The following MTMR7 variants were observed in gnomAD, a reference collection of about 807,000 sequenced individuals.
MTMR7 encodes phosphatidylinositol-3-phosphate phosphatase MTMR7.
Under a neutral mutation model 81.2 loss-of-function variants are expected in MTMR7, and 76 were observed. The observed-to-expected ratio is 0.94, with a 90% CI of 0.78 to 1.13. The LOEUF is 1.13. Among genes scored for constraint, MTMR7 ranks in the 50% most tolerant of loss-of-function variants. The pLI is 0.00. For missense variants in MTMR7, 1,044 were observed against 820.0 expected (o/e 1.27, Z -3.34); for synonymous variants, 372 against 289.8 (o/e 1.28, Z -2.88).
At chr8:17,339,354 C>G (rs1245288555) in intron 6 of MTMR7, among the ~76,000 whole-genome samples, 1 of 152,180 alleles carries the variant, frequency 6.6e-6, no homozygotes, top group Non-Finnish European at 1.5e-5. Flanking sequence ...GTGCAACCAT[C>G]ACCATGATCT....
intron 7 of MTMR7, among the ~76,000 whole-genome samples, chr8:17,329,703 G>A (rs191403215): frequency 1.3e-5 from 2 of 152,294 alleles, no homozygotes. Flanking sequence ...AAGTCAGACT[G>A]CCTTTCCAAT....
chr8:17,381,516 C>T (rs571076317), intron 1 of MTMR7, among the ~76,000 whole-genome samples: 17 of 152,272 alleles, frequency 1.1e-4, no homozygotes, highest in African/African-American at 4.1e-4. Context: ...TCATCTCAGA[C>T]TATTTGGGTA....
chr8:17,362,469 G>A (rs1399846395), intron 3 of MTMR7, among the ~76,000 whole-genome samples: 1 of 152,132 alleles, frequency 6.6e-6, no homozygotes, highest in Non-Finnish European at 1.5e-5. Flanking sequence ...CCAGTTAGTA[G>A]GCAACATTGA....
At chr8:17,395,447 G>A (rs1821219400) in intron 1 of MTMR7, among the ~76,000 whole-genome samples, 1 of 152,166 alleles carries the variant, frequency 6.6e-6, no homozygotes, top group African/African-American at 2.4e-5. Context: ...GAGTGGAAAT[G>A]CTGAGTCATA....
intron 1 of MTMR7, among the ~76,000 whole-genome samples, chr8:17,380,933 G>T (rs1289582347): frequency 6.6e-6 from 1 of 151,968 alleles, no homozygotes; most frequent in Non-Finnish European, 1.5e-5. Flanking sequence ...AAAACAAAAA[G>T]CTTGGCAATG....
chr8:17,357,750 G>T (rs568953690), intron 4 of MTMR7, among the ~76,000 whole-genome samples: 7 of 152,276 alleles, frequency 4.6e-5, no homozygotes, highest in Admixed American at 2.6e-4. Context: ...CATTGATGCT[G>T]GAGCAAGAGA....
At chr8:17,364,342 T>C (rs1820156264) in intron 3 of MTMR7, among the ~76,000 whole-genome samples, 2 of 152,180 alleles carry the variant, frequency 1.3e-5, no homozygotes, top group African/African-American at 4.8e-5. Context: ...CAAAAAGTGA[T>C]GTTATGATTT....
At chr8:17,363,787 A>G (rs957415919) in intron 3 of MTMR7, among the ~76,000 whole-genome samples, 1 of 152,046 alleles carries the variant, frequency 6.6e-6, no homozygotes, top group Non-Finnish European at 1.5e-5. Flanking sequence ...GAAAAGCGCC[A>G]CTAGCACAGA....
At chr8:17,373,728 G>C (rs1427588583) in intron 1 of MTMR7, among the ~76,000 whole-genome samples, 1 of 152,060 alleles carries the variant, frequency 6.6e-6, no homozygotes, top group African/African-American at 2.4e-5. Flanking sequence ...CATACATACG[G>C]GAGAAAAAAG....
intron 6 of MTMR7, among the ~76,000 whole-genome samples, chr8:17,332,703 G>A (rs61003777): frequency 1.3e-5 from 2 of 152,244 alleles, no homozygotes; most frequent in African/African-American, 4.8e-5. Flanking sequence ...CATATAGGTC[G>A]AACCATTAAG....
intron 5 of MTMR7, among the ~76,000 whole-genome samples, chr8:17,348,543 CTG>C (rs1819631488): frequency 3.8e-5 from 3 of 79,170 alleles, no homozygotes; most frequent in Non-Finnish European, 7.8e-5. Flanking sequence ...GAGTGAGACT[CTG>C]TCTCAAAAAA....
chr8:17,399,576 T>G (rs1343393051), intron 1 of MTMR7, among the ~76,000 whole-genome samples: 1 of 152,124 alleles, frequency 6.6e-6, no homozygotes, highest in Non-Finnish European at 1.5e-5. Context: ...ACAAATTCAA[T>G]ACAATCCCTA....
At chr8:17,390,382 A>G (rs73211110) in intron 1 of MTMR7, among the ~76,000 whole-genome samples, 19,620 of 152,066 alleles carry the variant, frequency 0.13, 1,973 homozygotes, top group East Asian at 0.39. Context: ...GAGCAGCACC[A>G]AGGCGATGGT....
chr8:17,341,919 CT>C (rs535163171), intron 5 of MTMR7, among the ~76,000 whole-genome samples: 230 of 146,946 alleles, frequency 1.6e-3, no homozygotes, highest in Non-Finnish European at 1.8e-3. Context: ...GCTTTCCAAC[CT>C]TTTTTTTTTT....
intron 3 of MTMR7, among the ~76,000 whole-genome samples, chr8:17,369,346 ACTAC>A (rs1222030569): frequency 6.6e-6 from 1 of 152,214 alleles, no homozygotes; most frequent in Non-Finnish European, 1.5e-5. Flanking sequence ...CAAAGTAAAA[ACTAC>A]CAGATTTTGA....
Position 17,413,331 on chromosome 8 carries a change from C to A in MTMR7, c.-39G>T. ...CTGCAGGGTCCCGGGCGGGCGCGGC[C>A]TCACGCACCTGCGCGCCTCTGCGGC... On this transcript the variant is annotated 5_prime_UTR_variant, in exon 1 of 14. It adds an upstream start codon to the 5' untranslated region. Coordinates refer to ENST00000180173, the MANE Select transcript of MTMR7 (RefSeq NM_004686.5). 6.6e-6 allele frequency: 10 copies of A among 1,516,496 alleles called. No homozygotes were observed. Among genetic ancestry groups the A allele is most frequent in the Non-Finnish European group, 8.8e-6 (10 of 1,131,670 alleles). The allele number at this position is 1,516,496 out of a possible 1,614,324, so 93.9% of individuals were successfully genotyped here. A position where few individuals can be genotyped will look rare whatever the true frequency, so the allele number is the denominator to read the frequency against.
intron 1 of MTMR7, among the ~76,000 whole-genome samples, chr8:17,409,460 C>A (rs1454418123): frequency 6.6e-6 from 1 of 152,044 alleles, no homozygotes; most frequent in Non-Finnish European, 1.5e-5. Flanking sequence ...CAAGACTCGG[C>A]CTCAAAAACA....
At chr8:17,410,595 C>G (rs772449871) in intron 1 of MTMR7, among the ~76,000 whole-genome samples, 2 of 152,124 alleles carry the variant, frequency 1.3e-5, no homozygotes, top group South Asian at 2.1e-4. Flanking sequence ...CTTTTTTTTC[C>G]CCTCTAGAGG....
At chr8:17,405,896 A>G (rs1206829384) in intron 1 of MTMR7, among the ~76,000 whole-genome samples, 1 of 151,562 alleles carries the variant, frequency 6.6e-6, no homozygotes, top group African/African-American at 2.4e-5. Flanking sequence ...GAAAATGGAC[A>G]TGATTTTCTT....
Sources: allele counts gnomAD v4.1 joint callset (sites outside exome capture counted in the v4.1 genomes callset), GRCh38; gene constraint gnomAD v4.1.1; transcripts MANE v1.5; gene names NCBI Gene and HGNC (gene_info 2026-07-23, HGNC 2026-07-21).